Variants in TMEM132B observed in about 807,000 individuals in gnomAD.
TMEM132B encodes the protein transmembrane protein 132B.
A neutral mutation model predicts 90.8 loss-of-function variants in TMEM132B; 18 were observed. The observed-to-expected ratio is 0.20, with a 90% CI of 0.14 to 0.29. The LOEUF (loss-of-function observed/expected upper bound fraction) is 0.29, where lower values mean the gene tolerates loss of function less well. TMEM132B is among the 10% of genes least tolerant of loss of function. The pLI, the probability that TMEM132B is intolerant of heterozygous loss-of-function variation, is 1.00. For synonymous variants in TMEM132B, 504 were observed against 523.3 expected (o/e 0.96, Z 0.50); for missense variants, 1,096 against 1,326.8 (o/e 0.83, Z 2.70).
intron 2 of TMEM132B, among the ~76,000 whole-genome samples, chr12:125,399,635 G>GT (rs900706171): frequency 2.6e-5 from 4 of 152,036 alleles, no homozygotes; most frequent in African/African-American, 9.7e-5. Context: ...CTGTGAGAGC[G>GT]TAAGTTTCTC....
At chr12:125,189,682 G>A (rs896632169) in intron 1 of TMEM132B, among the ~76,000 whole-genome samples, 8 of 152,014 alleles carry the variant, frequency 5.3e-5, no homozygotes, top group Middle Eastern at 6.3e-3. Context: ...TCCTCCCACC[G>A]GATGCAGGGA....
At chr12:125,546,783 T>C (rs1395356435) in intron 4 of TMEM132B, among the ~76,000 whole-genome samples, 1 of 152,180 alleles carries the variant, frequency 6.6e-6, no homozygotes, top group Non-Finnish European at 1.5e-5. Context: ...TTCTCTTGGG[T>C]ATATACCTAG....
intron 2 of TMEM132B, among the ~76,000 whole-genome samples, chr12:125,353,191 C>T (rs1275807902): frequency 1.3e-5 from 2 of 150,642 alleles, no homozygotes; most frequent in Non-Finnish European, 2.9e-5. Flanking sequence ...CTCCCTCTGC[C>T]ATGGCAGACA....
chr12:125,363,381 G>A (rs1319315400), intron 2 of TMEM132B, among the ~76,000 whole-genome samples: 2 of 152,148 alleles, frequency 1.3e-5, no homozygotes, highest in Non-Finnish European at 2.9e-5. Flanking sequence ...GAAGGAAGCT[G>A]CCTGGATCCA....
intron 4 of TMEM132B, among the ~76,000 whole-genome samples, chr12:125,534,041 C>G (rs753485900): frequency 6.6e-6 from 1 of 152,140 alleles, no homozygotes; most frequent in African/African-American, 2.4e-5. Context: ...GCTGGACACG[C>G]AAGTGGCCGG....
At chr12:125,359,515 G>GATAA (rs199826260) in intron 2 of TMEM132B, among the ~76,000 whole-genome samples, 1,744 of 152,190 alleles carry the variant, frequency 0.011, 36 homozygotes, top group African/African-American at 0.039. Flanking sequence ...AGTATTTTCT[G>GATAA]ATAGACAAAT....
intron 3 of TMEM132B, among the ~76,000 whole-genome samples, chr12:125,494,565 A>G (rs1449414270): frequency 1.1e-4 from 7 of 61,598 alleles, no homozygotes; most frequent in Admixed American, 1.9e-4. Flanking sequence ...TCCTCCCTGG[A>G]AGAAATGGAT....
chr12:125,276,466 T>C (rs1874993472), intron 1 of TMEM132B, among the ~76,000 whole-genome samples: 1 of 152,358 alleles, frequency 6.6e-6, no homozygotes. Context: ...TTTGTTCTAA[T>C]AATCATTAGA....
intron 5 of TMEM132B, among the ~76,000 whole-genome samples, chr12:125,634,237 A>C (rs1039774570): frequency 7.2e-5 from 11 of 152,138 alleles, no homozygotes; most frequent in African/African-American, 2.7e-4. Context: ...GTACTGCCAG[A>C]CTACTGCCAA....
At chr12:125,418,607 A>G (rs1051715957) in intron 3 of TMEM132B, among the ~76,000 whole-genome samples, 11 of 152,202 alleles carry the variant, frequency 7.2e-5, no homozygotes, top group Non-Finnish European at 1.3e-4. Context: ...ATATGAATAT[A>G]TCCCCAACAA....
chr12:125,382,283 A>T (rs1016628902), intron 2 of TMEM132B, among the ~76,000 whole-genome samples: 1 of 152,196 alleles, frequency 6.6e-6, no homozygotes, highest in Non-Finnish European at 1.5e-5. Flanking sequence ...GGTAAGTGTG[A>T]TTTCTCAGTG....
At position 125,583,984 on chromosome 12, in the gene TMEM132B, A is replaced by T; in HGVS notation, c.1427A>T (p.Asp476Val). The T allele has an allele frequency of 6.2e-7, 1 of 1,614,140 alleles. No homozygotes were observed. The highest frequency in any genetic ancestry group is 8.5e-7 in the Non-Finnish European group (1 of 1,180,020). Residue 476 changes from aspartate (D) to valine (V), a missense_variant, in exon 5 of 9, where the codon GAT (aspartate) becomes GTT (valine). Coordinates refer to ENST00000682704, the MANE Select transcript of TMEM132B (RefSeq NM_001366854.1). The stretch of plus-strand genomic sequence containing the variant: ...GTGGAATGCAAGTCTGCCGATGAAG[A>T]TGTCATTAAGGTAAGGGGGGATTTA... ...ESVECKSADE[D>V]VIKVSNNCDS...
At chr12:125,584,685 T>G (rs1303765940) in intron 5 of TMEM132B, 1 of 152,284 alleles carries the variant, frequency 6.6e-6, no homozygotes, top group African/African-American at 2.4e-5. Context: ...TTAGCTATGT[T>G]TCTGACTCCA....
chr12:125,639,659 A>C (rs896934428), intron 5 of TMEM132B, among the ~76,000 whole-genome samples: 10 of 152,252 alleles, frequency 6.6e-5, no homozygotes, highest in Non-Finnish European at 4.4e-5. Flanking sequence ...AATACAGTTT[A>C]AGTGACATGA....
intron 2 of TMEM132B, among the ~76,000 whole-genome samples, chr12:125,378,966 C>T (rs1191820449): frequency 6.6e-6 from 1 of 152,134 alleles, no homozygotes; most frequent in Non-Finnish European, 1.5e-5. Context: ...CCCCACCCCC[C>T]TCAGTCCCCA....
intron 1 of TMEM132B, among the ~76,000 whole-genome samples, chr12:125,244,011 C>T (rs139158309): frequency 1.0e-3 from 152 of 152,324 alleles, no homozygotes; most frequent in African/African-American, 3.6e-3. Context: ...TGGAATCACA[C>T]ACAATGCAGC....
chr12:125,380,075 A>C (rs566278197), intron 2 of TMEM132B, among the ~76,000 whole-genome samples: 8 of 152,356 alleles, frequency 5.3e-5, no homozygotes, highest in Middle Eastern at 3.4e-3. Flanking sequence ...ACAAATTGCC[A>C]CAAACTTGAT....
At chr12:125,652,842 C>T (rs1886961831) in intron 8 of TMEM132B, among the ~76,000 whole-genome samples, 1 of 152,250 alleles carries the variant, frequency 6.6e-6, no homozygotes. Context: ...ACGCTGACCA[C>T]ATCCTTATAC....
intron 5 of TMEM132B, among the ~76,000 whole-genome samples, chr12:125,600,188 C>T (rs1885538278): frequency 6.6e-6 from 1 of 152,164 alleles, no homozygotes; most frequent in Non-Finnish European, 1.5e-5. Context: ...GAAGAATTCT[C>T]TTCTGTCTAT....
Sources: gnomAD v4.1 joint callset for allele counts (sites outside exome capture counted in the v4.1 genomes callset) on GRCh38, gnomAD v4.1.1 for gene constraint, MANE v1.5 for transcripts, NCBI Gene and HGNC (gene_info 2026-07-23, HGNC 2026-07-21) for gene names.